The following HRH2 variants were observed in gnomAD, a reference collection of about 807,000 sequenced individuals.
The protein encoded by HRH2 is histamine receptor H2, also known as histamine H2 receptor.
HRH2 carries 4 observed loss-of-function variants against 20.1 expected under a neutral mutation model. That is an observed-to-expected ratio of 0.20 (90% confidence interval 0.10 to 0.45). The LOEUF (loss-of-function observed/expected upper bound fraction) is 0.45. Ranked by LOEUF, HRH2 falls within the 20% of genes least tolerant of loss-of-function variation. The pLI, the probability that HRH2 is intolerant of heterozygous loss-of-function variation, is 0.99. For synonymous variants in HRH2, 197 were observed against 200.7 expected (o/e 0.98, Z 0.16); for missense variants, 250 against 461.6 (o/e 0.54, Z 4.20).
rs1348289038 is a variant in HRH2, at chr5:175,709,736, CCTCTT to C, written c.*1769_*1773del. 5 of 152,702 alleles carry C rather than the reference CCTCTT, an allele frequency of 3.3e-5. No individual in the cohort carries two copies. The highest frequency in any genetic ancestry group is 4.1e-4 in the South Asian group (2 of 4,844). The allele number at this position is 152,702 out of a possible 1,614,324, so 9.5% of individuals were successfully genotyped here. A position where few individuals can be genotyped will look rare whatever the true frequency, so the allele number is the denominator to read the frequency against. On this transcript the variant is annotated 3_prime_UTR_variant, in exon 3 of 3. Coordinates refer to ENST00000636584, the MANE Select transcript of HRH2 (RefSeq NM_001367711.1). ...TGTCTCCATCAGGACAGTTGGAACA[CCTCTT>C]CTCAGCACTCTCGCCCCCACCCAGT...
chr5:175,663,563 A>C (rs1324748115), intron 1 of HRH2, among the ~76,000 whole-genome samples: 1 of 152,220 alleles, frequency 6.6e-6, no homozygotes, highest in Non-Finnish European at 1.5e-5. Flanking sequence ...GGCGCCCTCC[A>C]TCAGGCCCTG....
chr5:175,689,246 C>T (rs1022318801), intron 2 of HRH2, among the ~76,000 whole-genome samples: 4 of 152,324 alleles, frequency 2.6e-5, no homozygotes, highest in South Asian at 4.1e-4. Context: ...GCCACGACCT[C>T]CTCTCCTGCC....
In HRH2 at chr5:175,686,413, G is replaced by A. The variant is rs1193989802; in HGVS notation, c.1076+2104G>A. Among the ~76,000 whole-genome samples, 1 of 152,180 alleles carries A rather than the reference G, an allele frequency of 6.6e-6. No individual in the cohort carries two copies. Among genetic ancestry groups the A allele is most frequent in the African/African-American group, 2.4e-5 (1 of 41,432 alleles). On this transcript the variant is annotated intron_variant, in intron 2 of 2. Transcript: ENST00000636584. The surrounding 1 kb of genome is among the most constrained non-coding windows in gnomAD (Gnocchi z 4.7). ...TTCATTGAGCATCCACTACTGGCCC[G>A]TTTCAGATGTCTGACATTGTTTCTA...
chr5:175,670,055 C>T (rs775213897), intron 1 of HRH2, among the ~76,000 whole-genome samples: 3 of 152,134 alleles, frequency 2.0e-5, no homozygotes, highest in Non-Finnish European at 2.9e-5. Context: ...CATCACTGCT[C>T]GGTGTCACTC....
intron 1 of HRH2, 80 bp downstream of exon 1, chr5:175,658,235 G>A (rs1762624191): frequency 6.6e-6 from 1 of 151,946 alleles, no homozygotes; most frequent in Non-Finnish European, 1.5e-5. Flanking sequence ...GCGTGGGCTG[G>A]CGGAGCCGCC....
chr5:175,665,018 G>A (rs912944602), intron 1 of HRH2, among the ~76,000 whole-genome samples: 13 of 152,370 alleles, frequency 8.5e-5, no homozygotes, highest in African/African-American at 2.9e-4. Context: ...ACAGTGCGGA[G>A]GAGGGTGGGG....
At chr5:175,666,229 C>T (rs894122859) in intron 1 of HRH2, among the ~76,000 whole-genome samples, 2 of 152,178 alleles carry the variant, frequency 1.3e-5, no homozygotes, top group African/African-American at 4.8e-5. Flanking sequence ...AGTTTCTTGC[C>T]CTGCAGTCCC....
intron 2 of HRH2, among the ~76,000 whole-genome samples, chr5:175,690,843 T>C (rs1756347431): frequency 6.6e-6 from 1 of 152,218 alleles, no homozygotes; most frequent in African/African-American, 2.4e-5. Flanking sequence ...TGACATTTCA[T>C]GGAACAGGTG....
intron 2 of HRH2, among the ~76,000 whole-genome samples, chr5:175,702,474 GA>G (rs1028110340): frequency 2.8e-5 from 4 of 144,192 alleles, no homozygotes; most frequent in East Asian, 2.0e-4. Flanking sequence ...GCATAGGAAG[GA>G]AAAAAAAGAT....
intron 2 of HRH2, among the ~76,000 whole-genome samples, chr5:175,703,595 A>C (rs1357250799): frequency 6.6e-6 from 1 of 152,194 alleles, no homozygotes; most frequent in Non-Finnish European, 1.5e-5. Flanking sequence ...GAAACAGAAG[A>C]CAAAGATTTA....
At chr5:175,660,858 C>A (rs1462729571) in intron 1 of HRH2, among the ~76,000 whole-genome samples, 1 of 151,998 alleles carries the variant, frequency 6.6e-6, no homozygotes, top group Non-Finnish European at 1.5e-5. Flanking sequence ...CTGATACATC[C>A]TTTATCCTAT....
chr5:175,661,972 A>G (rs1218058461), intron 1 of HRH2, among the ~76,000 whole-genome samples: 1 of 152,164 alleles, frequency 6.6e-6, no homozygotes, highest in African/African-American at 2.4e-5. Context: ...CAGTGAGCCA[A>G]GATTGTGCCA....
chr5:175,680,329 A>G (rs189597317), intron 1 of HRH2, among the ~76,000 whole-genome samples: 10 of 152,336 alleles, frequency 6.6e-5, no homozygotes. Context: ...AGTAGCATGT[A>G]TGCTGTGTGC....
intron 1 of HRH2, among the ~76,000 whole-genome samples, chr5:175,673,709 G>T (rs199715605): frequency 0.023 from 3,063 of 132,800 alleles, 106 homozygotes; most frequent in African/African-American, 0.074. Context: ...TTTTTTTTTT[G>T]TTTTTTTTTT....
intron 2 of HRH2, among the ~76,000 whole-genome samples, chr5:175,699,377 C>T (rs1376631363): frequency 2.6e-5 from 4 of 152,202 alleles, no homozygotes; most frequent in African/African-American, 9.7e-5. Flanking sequence ...TGGGTTGTGG[C>T]TGGCCCCAAG....
intron 1 of HRH2, among the ~76,000 whole-genome samples, chr5:175,663,579 G>A (rs1426376840): frequency 6.6e-6 from 1 of 152,188 alleles, no homozygotes; most frequent in Non-Finnish European, 1.5e-5. Context: ...CCCTGCCCGT[G>A]CACTGTCTGC....
intron 1 of HRH2, among the ~76,000 whole-genome samples, chr5:175,680,898 G>A (rs1755940720): frequency 6.6e-6 from 1 of 152,140 alleles, no homozygotes; most frequent in Non-Finnish European, 1.5e-5. Flanking sequence ...GACACATTGT[G>A]GGTTTTCAAA....
intron 2 of HRH2, among the ~76,000 whole-genome samples, chr5:175,698,921 C>T (rs144939925): frequency 2.6e-5 from 4 of 152,354 alleles, no homozygotes; most frequent in Admixed American, 1.3e-4. Flanking sequence ...AACCTGCTCA[C>T]GCTGCCTGTT....
intron 2 of HRH2, among the ~76,000 whole-genome samples, chr5:175,694,057 G>A (rs186095679): frequency 3.9e-4 from 60 of 152,266 alleles, no homozygotes; most frequent in African/African-American, 1.4e-3. Flanking sequence ...TCTGAAAAAT[G>A]GGGCTGATCA....
Sources: allele counts gnomAD v4.1 joint callset (sites outside exome capture counted in the v4.1 genomes callset), GRCh38; gene constraint gnomAD v4.1.1; non-coding constraint Gnocchi (gnomAD v3.1); transcripts MANE v1.5; gene names NCBI Gene and HGNC (gene_info 2026-07-23, HGNC 2026-07-21).